MCM3AP: variants seen among roughly 807,000 people sequenced by gnomAD.
MCM3AP encodes the protein minichromosome maintenance complex component 3 associated protein.
A neutral mutation model predicts 184.1 loss-of-function variants in MCM3AP; 126 were observed. The ratio of observed to expected loss-of-function variants is 0.68; its 90% CI spans 0.59 to 0.79. The LOEUF is 0.79. MCM3AP is among the 30% of genes least tolerant of loss of function. MCM3AP has a pLI of 0.00. For missense variants in MCM3AP, 2,496 were observed against 2,479.2 expected, an observed-to-expected ratio of 1.01 and a Z score of -0.14; for synonymous variants, 1,002 against 979.3, an observed-to-expected ratio of 1.02 and a Z score of -0.43.
intron 17 of MCM3AP, among the ~76,000 whole-genome samples, chr21:46,255,358 G>A (rs2080934113): frequency 6.6e-6 from 1 of 152,196 alleles, no homozygotes; most frequent in South Asian, 2.1e-4. Flanking sequence ...CCACAATGCA[G>A]AGACTCGGGG....
rs1278785194 is a variant in MCM3AP at position 46,284,575 on chromosome 21, G to A, written c.712C>T (p.Pro238Ser). The A allele has an allele frequency of 1.4e-5, 22 of 1,614,038 alleles. 1 individual carries two copies. The highest frequency in any genetic ancestry group is 1.8e-5 in the Non-Finnish European group (21 of 1,180,032). The change falls in exon 1 of 28, where the codon CCT becomes TCT. Residue 238 changes from proline (P) to serine (S), a missense_variant. This residue lies in a region of MCM3AP where 800 missense variants were observed against 717.1 expected (regional missense o/e 1.12). Transcript: ENST00000291688. ...NQNVEEEKRG[P>S]KSIFGSSNNS... ...TTAGAACTTCCAAATATTGACTTAG[G>A]TCCTCTCTTCTCTTCCTCTACATTT...
At chr21:46,236,260 C>T (rs1231905074) in intron 27 of MCM3AP, 2 of 152,200 alleles carry the variant, frequency 1.3e-5, no homozygotes, top group African/African-American at 4.8e-5. Context: ...CAGTTTTTAC[C>T]TGTTCAGTGG....
chr21:46,270,098 G>T (rs563561698), intron 9 of MCM3AP, among the ~76,000 whole-genome samples: 2 of 152,264 alleles, frequency 1.3e-5, no homozygotes, highest in Admixed American at 1.3e-4. Flanking sequence ...TGAGATTTTT[G>T]CTTTTTAGTT....
At position 46,273,457 on chromosome 21, in the gene MCM3AP, C is replaced by A; in HGVS notation, c.2127G>T (p.Met709Ile). ...RTMDYLVTQI[M>I]DQKEGSLRDW... ...CCCGCAGGCTGCCCTCCTTCTGGTC[C>A]ATGATCTGGGTCACCAGGTAGTCCA... Residue 709 changes from methionine to isoleucine, a missense_variant, in exon 7 of 28, where the codon ATG becomes ATT. By Grantham distance (10) the Met-to-Ile change is conservative. Around this residue, in one of 5 missense-constraint regions of MCM3AP, gnomAD observed 130 missense variants for 199.8 expected, o/e 0.65. Coordinates refer to ENST00000291688, the MANE Select transcript of MCM3AP (RefSeq NM_003906.5). 6.2e-7 allele frequency: 1 copy of A among 1,614,014 alleles called. No individual in the cohort carries two copies. Among genetic ancestry groups the A allele is most frequent in the Non-Finnish European group, 8.5e-7 (1 of 1,179,872 alleles).
Position 46,265,434 on chromosome 21 carries a change from C to A in MCM3AP, c.3121G>T (p.Val1041Leu). ...AGTGCCAGGACAGGAGGCAGAGGCACTGGTGAGGGCGCAGGGGCTGGTAGA... is the reference window on the plus strand; with the variant it reads ...AGTGCCAGGACAGGAGGCAGAGGCAATGGTGAGGGCGCAGGGGCTGGTAGA... ...QSLPAPAPSP[V>L]PLPPVLALTP... The change falls in exon 12 of 28, where the codon GTG (valine) becomes TTG (leucine). Residue 1041 changes from valine (V) to leucine (L), a missense_variant. Val to Leu is a conservative substitution (Grantham distance 32). This residue lies in a region of MCM3AP where 1,323 missense variants were observed against 1,273.4 expected (regional missense o/e 1.04). Coordinates refer to ENST00000291688, the MANE Select transcript of MCM3AP (RefSeq NM_003906.5). 2 of 1,614,074 alleles carry A rather than the reference C, an allele frequency of 1.2e-6. No homozygotes were observed. Among genetic ancestry groups the A allele is most frequent in the South Asian group, 2.2e-5 (2 of 91,072 alleles).
At chr21:46,235,925 G>A (rs1420599710) in intron 27 of MCM3AP, among the ~76,000 whole-genome samples, 2 of 152,150 alleles carry the variant, frequency 1.3e-5, no homozygotes, top group South Asian at 2.1e-4. Context: ...GAGCCACCAC[G>A]CCCAGCCAGT....
At chr21:46,277,030 T>C (rs1199143385) in intron 5 of MCM3AP, among the ~76,000 whole-genome samples, 1 of 152,178 alleles carries the variant, frequency 6.6e-6, no homozygotes, top group Non-Finnish European at 1.5e-5. Context: ...GGATTACAGG[T>C]GTGAGCCACC....
chr21:46,284,923 G>T lies in MCM3AP; in HGVS notation c.364C>A (p.Pro122Thr), dbSNP rs761590611. The change falls in exon 1 of 28, where the codon CCA becomes ACA. Residue 122 changes from proline (P) to threonine (T), a missense_variant. Physicochemically the swap from Pro to Thr is conservative, Grantham distance 38. Around this residue, in one of 5 missense-constraint regions of MCM3AP, gnomAD observed 800 missense variants for 717.1 expected, o/e 1.12. Coordinates refer to ENST00000291688, the MANE Select transcript of MCM3AP (RefSeq NM_003906.5). ...FKSPTSVGAF[P>T]STSAFGQEAG... Reference sequence around the variant, plus strand: ...TCTTGTCCAAAAGCAGAAGTGCTTGGGAAAGCCCCAACACTGGTGGGTGAT... The same window carrying T: ...TCTTGTCCAAAAGCAGAAGTGCTTGTGAAAGCCCCAACACTGGTGGGTGAT... 1.2e-6 allele frequency: 2 copies of T among 1,614,146 alleles called. No homozygotes were observed. Among genetic ancestry groups the T allele is most frequent in the East Asian group, 4.5e-5 (2 of 44,890 alleles).
chr21:46,256,502 A>G (rs2080951065), intron 17 of MCM3AP: 1 of 456,694 alleles, frequency 2.2e-6, no homozygotes. Context: ...TGGGACGAGC[A>G]GGAAAAGAAC....
chr21:46,264,079 C>T (rs899502167), intron 13 of MCM3AP, 38 bp downstream of exon 13: 1 of 1,454,898 alleles, frequency 6.9e-7, no homozygotes, highest in South Asian at 1.1e-5. Context: ...CAGCTCCCCG[C>T]AGCACGTAGC....
chr21:46,284,904 C>T lies in MCM3AP; in HGVS notation c.383G>A (p.Gly128Glu), dbSNP rs1223196433. The T allele has an allele frequency of 1.9e-6, 3 of 1,614,068 alleles. No individual in the cohort carries two copies. The African/African-American group carries it at 4.0e-5, about 22-fold the overall frequency. ...VGAFPSTSAF[G>E]QEAGEIVNSG... ...GTTCACTATTTCTCCAGCTTCTTGT[C>T]CAAAAGCAGAAGTGCTTGGGAAAGC... Residue 128 changes from glycine (G) to glutamate (E), a missense_variant, in exon 1 of 28, where the codon GGA becomes GAA. Transcript: ENST00000291688.
intron 22 of MCM3AP, 146 bp downstream of exon 22, chr21:46,246,158 TATC>T: frequency 1.7e-6 from 1 of 604,098 alleles, no homozygotes; most frequent in Non-Finnish European, 3.0e-6. Flanking sequence ...TGCAGGGAGC[TATC>T]ATCATGCCAC....
rs1025690455 is a variant in MCM3AP, at chr21:46,246,516, G to A, written c.4549+112C>T. On this transcript the variant is annotated intron_variant, in intron 21 of 27. Transcript: ENST00000291688. ...CCTGCAGTGGACAGTCACCACAGGG[G>A]TTGCTGTCTCAGTGATTCCTGACCC... 6 of 1,473,482 alleles carry A rather than the reference G, an allele frequency of 4.1e-6. No individual in the cohort carries two copies. The Admixed American group carries it at 1.0e-4, about 25-fold the overall frequency. 91.3% of individuals were successfully genotyped at this position (1,473,482 alleles called of 1,614,324 possible). A position where few individuals can be genotyped will look rare whatever the true frequency, so the allele number is the denominator to read the frequency against.
chr21:46,270,247 G>A (rs2081162764), intron 9 of MCM3AP, 154 bp downstream of exon 9: 4 of 666,106 alleles, frequency 6.0e-6, no homozygotes, highest in Non-Finnish European at 1.0e-5. Context: ...CTATAAAACA[G>A]GGCAACACCG....
chr21:46,273,585 C>T lies in MCM3AP; in HGVS notation c.1999G>A (p.Val667Met), dbSNP rs760312983. ...TCTTTCACAGCTGCTGCGTGGTCCA[C>T]CTAGAGACATGAAGCCGAGACAGGA... ...VFEVVPGTDQ[V>M]DHAAAVKEYS... The change falls in exon 7 of 28, where the codon GTG (valine) becomes ATG (methionine). Residue 667 changes from valine (V) to methionine (M), a missense_variant and splice_region_variant. Physicochemically the swap from Val to Met is conservative, Grantham distance 21 (BLOSUM62 1). Around this residue, in one of 5 missense-constraint regions of MCM3AP, gnomAD observed 130 missense variants for 199.8 expected, o/e 0.65. Coordinates refer to ENST00000291688, the MANE Select transcript of MCM3AP (RefSeq NM_003906.5). The T allele has an allele frequency of 7.4e-6, 12 of 1,613,248 alleles. No individual in the cohort carries two copies. The highest frequency in any genetic ancestry group is 9.3e-6 in the Non-Finnish European group (11 of 1,179,522).
Position 46,280,151 on chromosome 21 carries a change from A to T in MCM3AP, c.1523-14T>A, listed in dbSNP as rs2145716096. The T allele has an allele frequency of 6.2e-7, 1 of 1,613,540 alleles. No individual in the cohort carries two copies. Among genetic ancestry groups the T allele is most frequent in the East Asian group, 2.2e-5 (1 of 44,884 alleles). ...TCTTATTGGGGCCTGTGGACATAGG[A>T]GGCAGAAAAGAGTTTATGCAATCAC... is the stretch of plus-strand genomic sequence containing the variant. On this transcript the variant is annotated splice_polypyrimidine_tract_variant and intron_variant, in intron 3 of 27. Coordinates refer to ENST00000291688, the MANE Select transcript of MCM3AP (RefSeq NM_003906.5).
At chr21:46,268,415 C>A (rs1292784482) in intron 9 of MCM3AP, among the ~76,000 whole-genome samples, 1 of 152,230 alleles carries the variant, frequency 6.6e-6, no homozygotes, top group East Asian at 1.9e-4. Flanking sequence ...CAATCCCTGT[C>A]CCCACATAGC....
chr21:46,259,851 G>A (rs532862059), intron 15 of MCM3AP, among the ~76,000 whole-genome samples: 3 of 149,430 alleles, frequency 2.0e-5, no homozygotes, highest in Admixed American at 1.3e-4. Flanking sequence ...CTTGCAGTGA[G>A]CCGAGATGGC....
In MCM3AP at chr21:46,246,386, A is replaced by G. The variant is rs928073135; in HGVS notation, c.4568T>C (p.Leu1523Ser). 7 of 1,610,008 alleles carry G rather than the reference A, an allele frequency of 4.3e-6. No individual in the cohort carries two copies. Among genetic ancestry groups the G allele is most frequent in the Admixed American group, 3.3e-5 (2 of 60,008 alleles). Residue 1523 changes from leucine (L) to serine (S), a missense_variant, in exon 22 of 28, where the codon TTG becomes TCG. Physicochemically the swap from Leu to Ser is moderately radical, Grantham distance 145 (BLOSUM62 -2). Coordinates refer to ENST00000291688, the MANE Select transcript of MCM3AP (RefSeq NM_003906.5). ...EVEDGLMLQD[L>S]VSAKLISDYT... ...ATCTGAAATCAGCTTAGCTGAAACC[A>G]AGTCCTGTAGCATCAGACCTTTAAG...
Sources: allele counts gnomAD v4.1 joint callset (sites outside exome capture counted in the v4.1 genomes callset), GRCh38; gene constraint gnomAD v4.1.1; regional missense constraint gnomAD v4.1.1; transcripts MANE v1.5; gene names NCBI Gene and HGNC (gene_info 2026-07-23, HGNC 2026-07-21).